The following CRTC3 variants were observed in gnomAD, a reference collection of about 807,000 sequenced individuals.
CRTC3 encodes CREB-regulated transcription coactivator 3.
CRTC3 carries 26 observed loss-of-function variants against 74.5 expected under a neutral mutation model. That is an observed-to-expected ratio of 0.35 (90% CI 0.26 to 0.48). CRTC3 has a LOEUF of 0.48. Ranked by LOEUF, CRTC3 falls within the 20% of genes least tolerant of loss-of-function variation. The pLI is 0.99. For missense variants in CRTC3, 760 were observed against 787.3 expected, an observed-to-expected ratio of 0.97 and a Z score of 0.41; for synonymous variants, 377 against 325.8, an observed-to-expected ratio of 1.16 and a Z score of -1.69.
At chr15:90,602,866 T>C (rs899881066) in intron 4 of CRTC3, among the ~76,000 whole-genome samples, 5 of 151,702 alleles carry the variant, frequency 3.3e-5, no homozygotes, top group Admixed American at 3.3e-4. Context: ...CCCAGCTACT[T>C]GGGAGGCTGA....
At chr15:90,607,755 C>A (rs1387519108) in intron 6 of CRTC3, among the ~76,000 whole-genome samples, 1 of 152,246 alleles carries the variant, frequency 6.6e-6, no homozygotes, top group Admixed American at 6.5e-5. Context: ...AACTTCCTGA[C>A]TGGTCTCCTG....
At chr15:90,555,926 T>C (rs375910050) in intron 2 of CRTC3, among the ~76,000 whole-genome samples, 40 of 152,296 alleles carry the variant, frequency 2.6e-4, no homozygotes, top group Middle Eastern at 6.8e-3. Flanking sequence ...AAAAGTAATA[T>C]GTGCTCATTG....
At chr15:90,569,098 T>C (rs1967195448) in intron 2 of CRTC3, among the ~76,000 whole-genome samples, 1 of 151,740 alleles carries the variant, frequency 6.6e-6, no homozygotes, top group African/African-American at 2.4e-5. Context: ...GCTCAAGCAG[T>C]CTTCCCATTC....
rs1264135505 is a variant in CRTC3, at chr15:90,573,511, C to T, written c.232-20125C>T. ...ATATTGTATTCTAATGCTATTATTA[C>T]TTTGGAATTTATTTTGATGTGAGAT... On this transcript the variant is annotated intron_variant, in intron 2 of 14. Transcript: ENST00000268184. Among the ~76,000 whole-genome samples, 5 of 151,420 alleles carry T rather than the reference C, an allele frequency of 3.3e-5. No homozygotes were observed. In the Admixed American group the frequency reaches 3.3e-4, roughly 10 times the overall value.
intron 2 of CRTC3, among the ~76,000 whole-genome samples, chr15:90,572,413 A>C (rs568022171): frequency 7.9e-5 from 12 of 152,286 alleles, no homozygotes; most frequent in Admixed American, 7.9e-4. Context: ...TATTTGTGAG[A>C]TATGTTCCTA....
rs1280248817 is a variant in CRTC3, at chr15:90,593,627, T to A, written c.232-9T>A. 1 of 1,599,508 alleles carries A rather than the reference T, an allele frequency of 6.3e-7. No homozygotes were observed. The highest frequency in any genetic ancestry group is 1.3e-5 in the African/African-American group (1 of 74,866). On this transcript the variant is annotated splice_polypyrimidine_tract_variant and intron_variant, in intron 2 of 14. Coordinates refer to ENST00000268184, the MANE Select transcript of CRTC3 (RefSeq NM_022769.5). ...TTGGAGGCCAACTCTTCTTCCCTTC[T>A]CTCTGCAGCCGTCATTTCACCAAGC...
rs1343247731 is a variant in CRTC3 at position 90,642,450 on chromosome 15, A to G, written c.*310A>G. The G allele has an allele frequency of 3.0e-5, 14 of 460,056 alleles. No individual in the cohort carries two copies. Among genetic ancestry groups the G allele is most frequent in the Middle Eastern group, 6.0e-4 (1 of 1,660 alleles). 28.5% of individuals were successfully genotyped at this position (460,056 alleles called of 1,614,324 possible). On this transcript the variant is annotated 3_prime_UTR_variant, in exon 15 of 15. Transcript: ENST00000268184. ...TGGCCATCCAGTCAGCCGATGTGTA[A>G]GAGTAGGAAATACTGTGTCACTGGA...
chr15:90,559,652 TCTCA>T (rs1208058812), intron 2 of CRTC3, among the ~76,000 whole-genome samples: 1 of 152,304 alleles, frequency 6.6e-6, no homozygotes, highest in South Asian at 2.1e-4. Context: ...CGAGGCAAGG[TCTCA>T]CTCTGTCAGT....
intron 2 of CRTC3, among the ~76,000 whole-genome samples, chr15:90,551,591 G>A (rs117178565): frequency 1.4e-4 from 22 of 152,176 alleles, no homozygotes; most frequent in East Asian, 1.4e-3. Context: ...CTAATGCTGC[G>A]TTCTAGGTCC....
In CRTC3 at chr15:90,614,508, A is replaced by G. The variant is rs750225178; in HGVS notation, c.613+20A>G. 1.9e-6 allele frequency: 3 copies of G among 1,550,232 alleles called. No individual in the cohort carries two copies. Among genetic ancestry groups the G allele is most frequent in the Admixed American group, 1.7e-5 (1 of 59,764 alleles). On this transcript the variant is annotated intron_variant, in intron 7 of 14. Coordinates refer to ENST00000268184, the MANE Select transcript of CRTC3 (RefSeq NM_022769.5). Reference sequence around the variant, plus strand: ...GGGAAGGTATGAACTGATTTTACCTACCTATATTGGAGTGGGATGCTGATT... The same window carrying G: ...GGGAAGGTATGAACTGATTTTACCTGCCTATATTGGAGTGGGATGCTGATT...
chr15:90,638,436 T>C lies in CRTC3; in HGVS notation c.1267-10T>C, dbSNP rs759240055. 6.2e-6 allele frequency: 10 copies of C among 1,613,472 alleles called. No homozygotes were observed. Among genetic ancestry groups the C allele is most frequent in the Non-Finnish European group, 7.6e-6 (9 of 1,179,562 alleles). On this transcript the variant is annotated splice_polypyrimidine_tract_variant and intron_variant, in intron 11 of 14. Coordinates refer to ENST00000268184, the MANE Select transcript of CRTC3 (RefSeq NM_022769.5). ...AAGCTCATTAGTGGCTTTGTGTGTTTGTTTTGCAGATGGTGTCCTCAGACC... is the reference window on the plus strand; with the variant it reads ...AAGCTCATTAGTGGCTTTGTGTGTTCGTTTTGCAGATGGTGTCCTCAGACC...
intron 8 of CRTC3, among the ~76,000 whole-genome samples, chr15:90,619,371 C>T (rs749724656): frequency 4.3e-4 from 65 of 152,282 alleles, no homozygotes; most frequent in Middle Eastern, 6.8e-3. Context: ...GCAGGAGAAT[C>T]GCTTGAACCC....
intron 2 of CRTC3, among the ~76,000 whole-genome samples, chr15:90,545,511 TG>T (rs1966842691): frequency 6.6e-6 from 1 of 151,358 alleles, no homozygotes; most frequent in Admixed American, 6.6e-5. Context: ...GCAGTTCTAC[TG>T]CCTGAGCCTC....
intron 2 of CRTC3, among the ~76,000 whole-genome samples, chr15:90,554,195 A>G (rs1323411562): frequency 6.6e-6 from 1 of 150,748 alleles, no homozygotes; most frequent in Non-Finnish European, 1.5e-5. Flanking sequence ...AGCACATTAG[A>G]GGTGTTTCCT....
At chr15:90,539,044 G>C (rs545223365) in intron 1 of CRTC3, among the ~76,000 whole-genome samples, 1 of 152,160 alleles carries the variant, frequency 6.6e-6, no homozygotes, top group Non-Finnish European at 1.5e-5. Context: ...CATCCTAGGG[G>C]CTTAGATCTG....
At chr15:90,612,247 T>G (rs1361567022) in intron 6 of CRTC3, among the ~76,000 whole-genome samples, 1 of 152,026 alleles carries the variant, frequency 6.6e-6, no homozygotes, top group Admixed American at 6.5e-5. Context: ...CAGTGTGATC[T>G]TGGGGATGAT....
chr15:90,621,468 G>A (rs867843325), intron 9 of CRTC3, among the ~76,000 whole-genome samples: 3 of 152,182 alleles, frequency 2.0e-5, no homozygotes, highest in Non-Finnish European at 4.4e-5. Flanking sequence ...AATTACAGAC[G>A]TGCACCACCA....
intron 6 of CRTC3, among the ~76,000 whole-genome samples, chr15:90,612,191 A>G (rs1471628938): frequency 1.3e-5 from 2 of 151,996 alleles, no homozygotes; most frequent in Non-Finnish European, 1.5e-5. Flanking sequence ...GGACATGAAC[A>G]TTCTGAAGAC....
At chr15:90,562,793 G>T (rs1439021076) in intron 2 of CRTC3, among the ~76,000 whole-genome samples, 1 of 152,034 alleles carries the variant, frequency 6.6e-6, no homozygotes, top group African/African-American at 2.4e-5. Flanking sequence ...GGAGGCAACA[G>T]CCTGGATGGA....
Sources: allele counts gnomAD v4.1 joint callset (sites outside exome capture counted in the v4.1 genomes callset), GRCh38; gene constraint gnomAD v4.1.1; transcripts MANE v1.5; gene names NCBI Gene and HGNC (gene_info 2026-07-23, HGNC 2026-07-21).